SPTBN2: variants seen among roughly 807,000 people sequenced by gnomAD.
SPTBN2 encodes spectrin beta chain, non-erythrocytic 2.
A neutral mutation model predicts 284.2 loss-of-function variants in SPTBN2; 107 were observed. The ratio of observed to expected loss-of-function variants is 0.38; its 90% CI spans 0.32 to 0.44. The LOEUF is 0.44. Ranked by LOEUF, SPTBN2 falls within the 20% of genes least tolerant of loss-of-function variation. SPTBN2 has a pLI of 1.00. For synonymous variants in SPTBN2, 1,289 were observed against 1,354.8 expected (o/e 0.95, Z 1.07); for missense variants, 2,569 against 3,287.1 (o/e 0.78, Z 5.34).
chr11:66,705,926 A>G, intron 13 of SPTBN2, 89 bp from the exon 14 acceptor site: 1 of 1,534,306 alleles, frequency 6.5e-7, no homozygotes, highest in South Asian at 1.2e-5. Flanking sequence ...CCACGGCCCC[A>G]GGTGTTGCAC....
In SPTBN2 at chr11:66,691,324, T is replaced by C; in HGVS notation, c.5525A>G (p.His1842Arg). 6.4e-7 allele frequency: 1 copy of C among 1,552,702 alleles called. No individual in the cohort carries two copies. The change falls in exon 27 of 38, where the codon CAC (histidine) becomes CGC (arginine). Residue 1842 changes from histidine (H) to arginine (R), a missense_variant. Physicochemically the swap from His to Arg is conservative, Grantham distance 29. Coordinates refer to ENST00000533211, the MANE Select transcript of SPTBN2 (RefSeq NM_006946.4). This position sits in a 1 kb window ranked among gnomAD's most constrained non-coding sequence, Gnocchi z 8.0. ...LNAAEALQRR[H>R]CAYEHDIQAL... The stretch of plus-strand genomic sequence containing the variant: ...CTGAATGTCATGCTCGTAGGCACAG[T>C]GTCGGCGCTGCAGGGCCTCGGCAGC...
chr11:66,692,900 A>G (rs1940656457), intron 25 of SPTBN2, 70 bp downstream of exon 25: 2 of 1,597,476 alleles, frequency 1.3e-6, no homozygotes, highest in South Asian at 2.2e-5. Context: ...AAGGCTCCAC[A>G]TTCCCTGCAC....
At chr11:66,701,761 A>G in intron 15 of SPTBN2, 40 bp from the exon 16 acceptor site, 1 of 1,613,870 alleles carries the variant, frequency 6.2e-7, no homozygotes, top group Non-Finnish European at 8.5e-7. Flanking sequence ...TGTGGGAGGC[A>G]GCGATGTGCC....
intron 1 of SPTBN2, among the ~76,000 whole-genome samples, chr11:66,722,784 C>T (rs1019561365): frequency 2.0e-5 from 3 of 147,970 alleles, no homozygotes; most frequent in African/African-American, 5.0e-5. Flanking sequence ...TCCTAGCTAC[C>T]GGGGAGGCTG....
upstream of SPTBN2, among the ~76,000 whole-genome samples, chr11:66,731,738 G>T (rs1329202936): frequency 6.6e-6 from 1 of 152,192 alleles, no homozygotes; most frequent in African/African-American, 2.4e-5. Flanking sequence ...GTCTTCCTGA[G>T]TCATTTGCAC....
intron 1 of SPTBN2, among the ~76,000 whole-genome samples, chr11:66,742,123 A>T (rs1942899666): frequency 6.6e-6 from 1 of 152,210 alleles, no homozygotes; most frequent in South Asian, 2.1e-4. Flanking sequence ...TGCCTGATTT[A>T]TTCATACAAC....
chr11:66,739,618 G>C (rs1007207391), intron 1 of SPTBN2, among the ~76,000 whole-genome samples: 1 of 152,190 alleles, frequency 6.6e-6, no homozygotes, highest in Non-Finnish European at 1.5e-5. Flanking sequence ...TTGACCATAT[G>C]TGACCACATT....
rs370524207 is a variant in SPTBN2, at chr11:66,694,317, A to G, written c.4325T>C (p.Ile1442Thr). The change falls in exon 22 of 38, where the codon ATC (isoleucine) becomes ACC (threonine). Residue 1442 changes from isoleucine to threonine, a missense_variant. By Grantham distance (89) the Ile-to-Thr change is moderately conservative. Coordinates refer to ENST00000533211, the MANE Select transcript of SPTBN2 (RefSeq NM_006946.4). Reference protein sequence around the residue: ...MAVREKEVEAIQAQAKALAQE... With the variant: ...MAVREKEVEATQAQAKALAQE... ...GGCCAGTGCTTTGGCCTGGGCCTGG[A>G]TTGCCTCCACCTCCTTCTCTCTCAC... is the stretch of plus-strand genomic sequence containing the variant. 6.2e-7 allele frequency: 1 copy of G among 1,613,988 alleles called. No individual in the cohort carries two copies. Among genetic ancestry groups the G allele is most frequent in the Non-Finnish European group, 8.5e-7 (1 of 1,180,012 alleles).
intron 1 of SPTBN2, among the ~76,000 whole-genome samples, chr11:66,734,815 G>A (rs1466739549): frequency 1.3e-5 from 2 of 152,220 alleles, no homozygotes; most frequent in Admixed American, 6.5e-5. Context: ...GAGAAGAGGA[G>A]TCCTTATTGT....
Position 66,710,786 on chromosome 11 carries a change from A to G in SPTBN2, c.886-17T>C, listed in dbSNP as rs371880686. On this transcript the variant is annotated splice_polypyrimidine_tract_variant and intron_variant, in intron 9 of 37. Coordinates refer to ENST00000533211, the MANE Select transcript of SPTBN2 (RefSeq NM_006946.4). This position sits in a 1 kb window ranked among gnomAD's most constrained non-coding sequence, Gnocchi z 4.9. ...GTCCAGCACCTGGGAGGCAGAAGAC[A>G]GGGACGTGACAGTCCCAGCCACAGG... 2 of 1,613,480 alleles carry G rather than the reference A, an allele frequency of 1.2e-6. No individual in the cohort carries two copies. The highest frequency in any genetic ancestry group is 1.7e-5 in the Admixed American group (1 of 60,012).
At position 66,688,270 on chromosome 11, in the gene SPTBN2, C is replaced by T. The variant is rs760873871; in HGVS notation, c.6273G>A (p.Glu2091=). 6.2e-7 allele frequency: 1 copy of T among 1,612,132 alleles called. No individual in the cohort carries two copies. Among genetic ancestry groups the T allele is most frequent in the Admixed American group, 1.7e-5 (1 of 59,796 alleles). ...CAGGCGGCTGTTTCCGCCGCTCCTC[C>T]TCCTCCCTCTTTCTCTTTCGCTCCT... ...REKERKRKRE[E]EERRKQPPAP... is the part of the protein sequence containing the mutation. Residue 2091 remains glutamate, a synonymous_variant, in exon 32 of 38, where the codon GAG becomes GAA. Coordinates refer to ENST00000533211, the MANE Select transcript of SPTBN2 (RefSeq NM_006946.4).
intron 3 of SPTBN2, among the ~76,000 whole-genome samples, chr11:66,719,398 C>A (rs764043236): frequency 6.6e-6 from 1 of 152,258 alleles, no homozygotes; most frequent in Non-Finnish European, 1.5e-5. Context: ...TTGTCATGTG[C>A]AGCCTACACT....
intron 28 of SPTBN2, 36 bp from the exon 29 acceptor site, chr11:66,689,979 A>G (rs1220483099): frequency 1.2e-6 from 2 of 1,612,992 alleles, no homozygotes; most frequent in Non-Finnish European, 1.7e-6. Context: ...CCTGCTGCCC[A>G]CAGCCCCATC....
Position 66,691,727 on chromosome 11 carries a change from G to C in SPTBN2, c.5191-69C>G. On this transcript the variant is annotated intron_variant, in intron 26 of 37. Coordinates refer to ENST00000533211, the MANE Select transcript of SPTBN2 (RefSeq NM_006946.4). This position sits in a 1 kb window ranked among gnomAD's most constrained non-coding sequence, Gnocchi z 8.0. Reference sequence around the variant, plus strand: ...GGATGTGGTCCCTGCCTGATGGAGCGAGTCCTCCACTCCAAACTCAGAACC... The same window carrying C: ...GGATGTGGTCCCTGCCTGATGGAGCCAGTCCTCCACTCCAAACTCAGAACC... 6.2e-7 allele frequency: 1 copy of C among 1,604,302 alleles called. No homozygotes were observed. Among genetic ancestry groups the C allele is most frequent in the Non-Finnish European group, 8.5e-7 (1 of 1,178,038 alleles).
At chr11:66,737,707 A>C (rs1012409615) in intron 1 of SPTBN2, among the ~76,000 whole-genome samples, 3 of 152,230 alleles carry the variant, frequency 2.0e-5, no homozygotes, top group Non-Finnish European at 2.9e-5. Flanking sequence ...ACTGCATGAA[A>C]TAGAGAGGTG....
rs772102839 is a variant in SPTBN2, at chr11:66,698,978, C to G, written c.3867+14G>C. ...GATGGCTAGGGAATATCCCGGGGCC[C>G]CAGGGAGCCTCACCTCGTGACAATC... is the stretch of plus-strand genomic sequence containing the variant. On this transcript the variant is annotated intron_variant, in intron 19 of 37. Coordinates refer to ENST00000533211, the MANE Select transcript of SPTBN2 (RefSeq NM_006946.4). 6.2e-7 allele frequency: 1 copy of G among 1,614,118 alleles called. No individual in the cohort carries two copies. Among genetic ancestry groups the G allele is most frequent in the Non-Finnish European group, 8.5e-7 (1 of 1,180,010 alleles).
intron 1 of SPTBN2, among the ~76,000 whole-genome samples, chr11:66,722,493 G>A (rs559437887): frequency 1.3e-4 from 20 of 149,822 alleles, no homozygotes; most frequent in African/African-American, 2.2e-4. Context: ...GGAGAATGGC[G>A]TGAACCCAGG....
chr11:66,694,335 T>C lies in SPTBN2; in HGVS notation c.4307A>G (p.Glu1436Gly), dbSNP rs779953152. ...QMLEWEMAVREKEVEAIQAQA... is the reference protein window; with the variant it reads ...QMLEWEMAVRGKEVEAIQAQA... ...GGCCTGGATTGCCTCCACCTCCTTCTCTCTCACAGCCATCTCCCATTCCAG... is the reference window on the plus strand; with the variant it reads ...GGCCTGGATTGCCTCCACCTCCTTCCCTCTCACAGCCATCTCCCATTCCAG... The change falls in exon 22 of 38, where the codon GAG becomes GGG. Residue 1436 changes from glutamate (E) to glycine (G), a missense_variant. By Grantham distance (98) the Glu-to-Gly change is moderately conservative. This residue lies in a region of SPTBN2 where 49 missense variants were observed against 92.6 expected (regional missense o/e 0.53). Transcript: ENST00000533211. The C allele has an allele frequency of 1.2e-6, 2 of 1,614,152 alleles. No homozygotes were observed. Among genetic ancestry groups the C allele is most frequent in the South Asian group, 1.1e-5 (1 of 91,082 alleles).
At position 66,691,472 on chromosome 11, in the gene SPTBN2, G is replaced by C. The variant is rs1314673381; in HGVS notation, c.5377C>G (p.Arg1793Gly). ...TACGCCGCGGCCAGCACCTGACCCCGTGTGTCCAGCAGCTCAAGCAGGTCA... is the reference window on the plus strand; with the variant it reads ...TACGCCGCGGCCAGCACCTGACCCCCTGTGTCCAGCAGCTCAAGCAGGTCA... ...WADLLELLDT[R>G]GQVLAAAYEL... Residue 1793 changes from arginine (R) to glycine (G), a missense_variant, in exon 27 of 38, where the codon CGG (arginine) becomes GGG (glycine). Arg to Gly is a moderately radical substitution (Grantham distance 125). Coordinates refer to ENST00000533211, the MANE Select transcript of SPTBN2 (RefSeq NM_006946.4). This position sits in a 1 kb window ranked among gnomAD's most constrained non-coding sequence, Gnocchi z 8.0. The C allele has an allele frequency of 6.2e-7, 1 of 1,611,730 alleles. No individual in the cohort carries two copies. The highest frequency in any genetic ancestry group is 8.5e-7 in the Non-Finnish European group (1 of 1,179,968).
Sources: gnomAD v4.1 joint callset for allele counts (sites outside exome capture counted in the v4.1 genomes callset) on GRCh38, gnomAD v4.1.1 for gene constraint, gnomAD v4.1.1 regional missense constraint, Gnocchi (gnomAD v3.1) non-coding constraint, MANE v1.5 for transcripts, NCBI Gene and HGNC (gene_info 2026-07-23, HGNC 2026-07-21) for gene names.